Variants in SYK observed in about 807,000 individuals in gnomAD.
SYK encodes the protein spleen associated tyrosine kinase.
Under a neutral mutation model 77.8 loss-of-function variants are expected in SYK, and 16 were observed. That is an observed-to-expected ratio of 0.21 (90% CI 0.14 to 0.31). SYK has a LOEUF of 0.31. Ranked by LOEUF, SYK falls within the 10% of genes least tolerant of loss-of-function variation. SYK has a pLI of 1.00. For missense variants in SYK, 529 were observed against 814.4 expected (o/e 0.65, Z 4.26); for synonymous variants, 312 against 308.7 (o/e 1.01, Z -0.11).
chr9:90,834,519 C>A (rs1352629013), intron 1 of SYK, among the ~76,000 whole-genome samples: 1 of 152,218 alleles, frequency 6.6e-6, no homozygotes, highest in Admixed American at 6.5e-5. Flanking sequence ...CTCTCTGGCC[C>A]AGTGGAACCA....
At chr9:90,841,346 A>C (rs576895955) in intron 1 of SYK, among the ~76,000 whole-genome samples, 1 of 80,932 alleles carries the variant, frequency 1.2e-5, no homozygotes, top group Admixed American at 1.2e-4. Flanking sequence ...CTGTGTATGT[A>C]GTTTGTGTAT....
At chr9:90,863,330 C>A (rs755223112) in intron 4 of SYK, among the ~76,000 whole-genome samples, 3 of 152,108 alleles carry the variant, frequency 2.0e-5, no homozygotes, top group Non-Finnish European at 4.4e-5. Context: ...ATAATCAGGG[C>A]GTGTTCCAAT....
At chr9:90,849,876 G>A (rs754665896) in intron 3 of SYK, among the ~76,000 whole-genome samples, 11 of 152,222 alleles carry the variant, frequency 7.2e-5, no homozygotes, top group African/African-American at 1.2e-4. Context: ...ATCATAAACC[G>A]AAGGCCTGCT....
chr9:90,830,862 A>AGCGTGAGCCACCAC (rs1457013321), intron 1 of SYK, among the ~76,000 whole-genome samples: 2 of 152,050 alleles, frequency 1.3e-5, no homozygotes, highest in Non-Finnish European at 2.9e-5. Flanking sequence ...TGGGATTACA[A>AGCGTGAGCCACCAC]GCGTGAGCCA....
At chr9:90,883,418 T>C (rs1207764871) in intron 11 of SYK, among the ~76,000 whole-genome samples, 1 of 152,020 alleles carries the variant, frequency 6.6e-6, no homozygotes, top group Non-Finnish European at 1.5e-5. Flanking sequence ...GGCCAGGCAC[T>C]TTCACATGCC....
In SYK at chr9:90,863,775, G is replaced by A. The variant is rs140827252; in HGVS notation, c.718-814G>A. Reference sequence around the variant, plus strand: ...CTCTATGCCAGCTTAATGCTCCAAGGTCCCAGGCCCCATCACTTATAAACA... The same window carrying A: ...CTCTATGCCAGCTTAATGCTCCAAGATCCCAGGCCCCATCACTTATAAACA... On this transcript the variant is annotated intron_variant, in intron 4 of 13. Transcript: ENST00000375754. 4.6e-3 allele frequency among the ~76,000 whole-genome samples: 699 copies of A among 152,202 alleles called. 6 individuals carry two copies. The highest frequency in any genetic ancestry group is 7.0e-3 in the Non-Finnish European group (478 of 68,006).
intron 3 of SYK, among the ~76,000 whole-genome samples, chr9:90,852,263 G>A (rs1826850386): frequency 6.6e-6 from 1 of 152,176 alleles, no homozygotes; most frequent in Non-Finnish European, 1.5e-5. Context: ...AATATCTTTT[G>A]CAATCTGTAC....
intron 12 of SYK, 127 bp downstream of exon 12, chr9:90,888,016 T>A: frequency 1.6e-6 from 2 of 1,246,376 alleles, no homozygotes; most frequent in Non-Finnish European, 1.1e-6. Flanking sequence ...AAGCAGTTAA[T>A]GTGCCCTCAG....
At chr9:90,860,709 T>G (rs1827222243) in intron 3 of SYK, among the ~76,000 whole-genome samples, 1 of 152,164 alleles carries the variant, frequency 6.6e-6, no homozygotes, top group Admixed American at 6.5e-5. Context: ...ATTCTGAATT[T>G]CACTCCTCCC....
At chr9:90,835,846 A>G (rs1419371156) in intron 1 of SYK, among the ~76,000 whole-genome samples, 1 of 152,244 alleles carries the variant, frequency 6.6e-6, no homozygotes, top group African/African-American at 2.4e-5. Context: ...TACAAAAGCA[A>G]CATACAATTT....
At chr9:90,894,703 A>G (rs158690) in intron 13 of SYK, among the ~76,000 whole-genome samples, 23,174 of 152,202 alleles carry the variant, frequency 0.15, 2,007 homozygotes, top group East Asian at 0.4. Flanking sequence ...TATATCCAGA[A>G]ATCTTGCAAA....
chr9:90,891,651 C>T (rs2118994973), intron 13 of SYK, among the ~76,000 whole-genome samples: 1 of 152,298 alleles, frequency 6.6e-6, no homozygotes, highest in East Asian at 1.9e-4. Flanking sequence ...CTGTTACCCT[C>T]ACTATCTGCC....
chr9:90,837,261 C>T (rs1826119728), intron 1 of SYK, among the ~76,000 whole-genome samples: 1 of 152,074 alleles, frequency 6.6e-6, no homozygotes, highest in South Asian at 2.1e-4. Context: ...AGGATTTTGC[C>T]AGCCTCTGGT....
At chr9:90,880,851 G>A (rs534793376) in intron 11 of SYK, among the ~76,000 whole-genome samples, 1 of 152,340 alleles carries the variant, frequency 6.6e-6, no homozygotes, top group Admixed American at 6.5e-5. Context: ...CTGAGCAGCT[G>A]GTTAGACACA....
At chr9:90,841,076 G>GGT (rs1361217169) in intron 1 of SYK, among the ~76,000 whole-genome samples, 1 of 151,792 alleles carries the variant, frequency 6.6e-6, no homozygotes, top group Non-Finnish European at 1.5e-5. Flanking sequence ...TGTGTACTAT[G>GGT]GTGTGTGTGT....
At position 90,873,715 on chromosome 9, in the gene SYK, A is replaced by T. The variant is rs533999338; in HGVS notation, c.916-489A>T. ...ACCGAAGATAAAGACTTGGGTGGAG[A>T]CTTGGAAAACATATGTGCGTTGGAG... is the stretch of plus-strand genomic sequence containing the variant. On this transcript the variant is annotated intron_variant, in intron 7 of 13. Coordinates refer to ENST00000375754, the MANE Select transcript of SYK (RefSeq NM_003177.7). 2.0e-5 allele frequency among the ~76,000 whole-genome samples: 3 copies of T among 152,314 alleles called. No homozygotes were observed. The East Asian group carries it at 5.8e-4, about 29-fold the overall frequency.
chr9:90,815,929 C>CT (rs1435683402), intron 1 of SYK, among the ~76,000 whole-genome samples: 2 of 152,192 alleles, frequency 1.3e-5, no homozygotes, highest in Non-Finnish European at 2.9e-5. Context: ...TGGCTGTATG[C>CT]TAAGCTCTCT....
intron 1 of SYK, among the ~76,000 whole-genome samples, chr9:90,811,526 C>A (rs544729150): frequency 2.6e-5 from 4 of 152,226 alleles, no homozygotes; most frequent in East Asian, 1.9e-4. Context: ...ATGCAGTCTT[C>A]TAAAAAATGT....
At chr9:90,863,556 A>C (rs978793750) in intron 4 of SYK, among the ~76,000 whole-genome samples, 2 of 152,268 alleles carry the variant, frequency 1.3e-5, no homozygotes, top group African/African-American at 4.8e-5. Flanking sequence ...ATATTAAAAA[A>C]TGTTAGTCAC....
Sources: allele counts gnomAD v4.1 joint callset (sites outside exome capture counted in the v4.1 genomes callset), GRCh38; gene constraint gnomAD v4.1.1; transcripts MANE v1.5; gene names NCBI Gene and HGNC (gene_info 2026-07-23, HGNC 2026-07-21).